Variants in NSUN7 observed in about 807,000 individuals in gnomAD.
NSUN7 encodes the protein NOP2/Sun RNA methyltransferase family member 7, also known as protein NSUN7.
A neutral mutation model predicts 58.5 loss-of-function variants in NSUN7; 39 were observed. That is an observed-to-expected ratio of 0.67 (90% confidence interval 0.52 to 0.87). The LOEUF is 0.87. NSUN7 is among the 40% of genes least tolerant of loss of function. NSUN7 has a pLI of 0.00. For missense variants in NSUN7, 765 were observed against 844.1 expected (o/e 0.91, Z 1.16); for synonymous variants, 278 against 303.7 (o/e 0.92, Z 0.88).
chr4:40,777,811 G>A (rs1742343328), intron 7 of NSUN7, among the ~76,000 whole-genome samples: 1 of 152,014 alleles, frequency 6.6e-6, no homozygotes, highest in African/African-American at 2.4e-5. Context: ...TGTTGCCTAG[G>A]CTGATCTCAT....
chr4:40,751,011 A>G lies in NSUN7; in HGVS notation c.298+20A>G. 1 of 1,608,366 alleles carries G rather than the reference A, an allele frequency of 6.2e-7. No homozygotes were observed. Among genetic ancestry groups the G allele is most frequent in the Non-Finnish European group, 8.5e-7 (1 of 1,175,832 alleles). On this transcript the variant is annotated intron_variant, in intron 2 of 11. Coordinates refer to ENST00000381782, the MANE Select transcript of NSUN7 (RefSeq NM_024677.6). ...TGAAATGTGAGTTGTGCCAGTCTGG[A>G]AGATCAACACTAAAAGAAAATAATA...
chr4:40,797,868 C>A (rs925651783), intron 9 of NSUN7, among the ~76,000 whole-genome samples: 2 of 152,194 alleles, frequency 1.3e-5, no homozygotes, highest in Non-Finnish European at 2.9e-5. Context: ...CGACTTACTA[C>A]TCTCTCTTCA....
intron 9 of NSUN7, among the ~76,000 whole-genome samples, chr4:40,795,278 A>G (rs889145836): frequency 3.9e-5 from 6 of 152,212 alleles, no homozygotes; most frequent in African/African-American, 7.2e-5. Flanking sequence ...AATAAGGCCT[A>G]TACAAATCAC....
intron 3 of NSUN7, among the ~76,000 whole-genome samples, chr4:40,760,753 T>C (rs577095878): frequency 4.0e-5 from 6 of 150,496 alleles, no homozygotes; most frequent in East Asian, 2.0e-4. Flanking sequence ...CCCAGCTACT[T>C]GGGAGGCTGA....
chr4:40,795,516 C>T (rs185439936), intron 9 of NSUN7, among the ~76,000 whole-genome samples: 1 of 152,224 alleles, frequency 6.6e-6, no homozygotes, highest in Admixed American at 6.5e-5. Context: ...AAAAAAGCTT[C>T]AGAAAGAATC....
At chr4:40,806,428 A>C (rs1560566506) in intron 10 of NSUN7, among the ~76,000 whole-genome samples, 1 of 152,216 alleles carries the variant, frequency 6.6e-6, no homozygotes, top group African/African-American at 2.4e-5. Flanking sequence ...TTCATGATGA[A>C]CCACTTACTA....
chr4:40,804,396 G>A (rs1183216416), intron 10 of NSUN7, among the ~76,000 whole-genome samples: 1 of 150,258 alleles, frequency 6.7e-6, no homozygotes, highest in Admixed American at 6.6e-5. Flanking sequence ...CCGAGATCAC[G>A]CCATTGCACT....
intron 10 of NSUN7, among the ~76,000 whole-genome samples, chr4:40,803,588 C>T (rs1031764631): frequency 6.6e-6 from 1 of 152,264 alleles, no homozygotes; most frequent in Admixed American, 6.5e-5. Flanking sequence ...TATAGATATA[C>T]ATCAAGTATA....
At chr4:40,808,241 T>C (rs1743933303) in intron 11 of NSUN7, 66 bp from the exon 12 acceptor site, 1 of 1,497,146 alleles carries the variant, frequency 6.7e-7, no homozygotes, top group Admixed American at 2.2e-5. Context: ...GATACATTGA[T>C]AAATATTTGC....
intron 7 of NSUN7, among the ~76,000 whole-genome samples, chr4:40,777,255 A>G (rs1742313616): frequency 1.3e-5 from 2 of 152,240 alleles, no homozygotes; most frequent in South Asian, 4.1e-4. Context: ...TGCCAGAAGC[A>G]AAAGTAAATT....
rs1321460958 is a variant in NSUN7, at chr4:40,808,553, C to G, written c.1771C>G (p.Gln591Glu). 1 of 1,551,744 alleles carries G rather than the reference C, an allele frequency of 6.4e-7. No homozygotes were observed. Among genetic ancestry groups the G allele is most frequent in the South Asian group, 1.2e-5 (1 of 84,070 alleles). ...SETVTKPPLP[Q>E]KNTAQVGASS... ...GACTGTAACAAAACCACCTCTTCCC[C>G]AGAAAAATACTGCTCAAGTGGGGGC... Residue 591 changes from glutamine to glutamate, a missense_variant, in exon 12 of 12, where the codon CAG (glutamine) becomes GAG (glutamate). Physicochemically the swap from Gln to Glu is conservative, Grantham distance 29. Coordinates refer to ENST00000381782, the MANE Select transcript of NSUN7 (RefSeq NM_024677.6).
At chr4:40,751,086 C>T (rs779329619) in intron 2 of NSUN7, 95 bp downstream of exon 2, 151 of 1,426,528 alleles carry the variant, frequency 1.1e-4, no homozygotes, top group Non-Finnish European at 1.3e-4. Context: ...CCCTCATTCA[C>T]ACCAGGTTTT....
intron 7 of NSUN7, among the ~76,000 whole-genome samples, chr4:40,779,601 C>T (rs10020152): frequency 0.46 from 70,064 of 151,550 alleles, 16,440 homozygotes; most frequent in Admixed American, 0.58. Context: ...CAGACTGTTT[C>T]GAAAAAAACA....
intron 4 of NSUN7, among the ~76,000 whole-genome samples, chr4:40,768,091 A>G (rs764901925): frequency 3.9e-5 from 6 of 152,192 alleles, no homozygotes; most frequent in Non-Finnish European, 7.4e-5. Flanking sequence ...AGCCAACTCT[A>G]TCTGCCTTCT....
At position 40,809,054 on chromosome 4, in the gene NSUN7, G is replaced by T; in HGVS notation, c.*115G>T. 1 of 1,073,314 alleles carries T rather than the reference G, an allele frequency of 9.3e-7. No individual in the cohort carries two copies. Among genetic ancestry groups the T allele is most frequent in the Non-Finnish European group, 1.3e-6 (1 of 773,960 alleles). 66.5% of individuals were successfully genotyped at this position (1,073,314 alleles called of 1,614,324 possible). A position where few individuals can be genotyped will look rare whatever the true frequency, so the allele number is the denominator to read the frequency against. On this transcript the variant is annotated 3_prime_UTR_variant, in exon 12 of 12. Transcript: ENST00000381782. ...ATATTCATTCTTTTGGTCACCTAGG[G>T]ATCTTCTAAGTGTGATATTACTTTC...
In NSUN7 at chr4:40,793,822, T is replaced by C. The variant is rs548219971; in HGVS notation, c.1181-553T>C. Among the ~76,000 whole-genome samples the C allele has an allele frequency of 7.2e-5, 11 of 152,376 alleles. No individual in the cohort carries two copies. The East Asian group carries it at 1.3e-3, about 19-fold the overall frequency. On this transcript the variant is annotated intron_variant, in intron 8 of 11. Coordinates refer to ENST00000381782, the MANE Select transcript of NSUN7 (RefSeq NM_024677.6). ...TAAAGTAGCATTCAGTATATCTTCA[T>C]TAATATTGTCAATACATATATTTAA...
rs1425987980 is a variant in NSUN7, at chr4:40,786,491, T to C, written c.1037-4111T>C. The C allele has an allele frequency of 8.7e-6, 14 of 1,612,676 alleles. No individual in the cohort carries two copies. The South Asian group carries it at 1.2e-4, about 14-fold the overall frequency. On this transcript the variant is annotated intron_variant, in intron 7 of 11. Transcript: ENST00000381782. ...AATAGGATATCAGAAAATCAAGGAG[T>C]CCCTGTACTTATAGTTGCTAACAAA...
At position 40,808,860 on chromosome 4, in the gene NSUN7, A is replaced by C; in HGVS notation, c.2078A>C (p.His693Pro). The C allele has an allele frequency of 6.5e-7, 1 of 1,547,764 alleles. No homozygotes were observed. Among genetic ancestry groups the C allele is most frequent in the Non-Finnish European group, 8.7e-7 (1 of 1,146,464 alleles). The change falls in exon 12 of 12, where the codon CAC (histidine) becomes CCC (proline). Residue 693 changes from histidine to proline, a missense_variant. By Grantham distance (77) the His-to-Pro change is moderately conservative. Transcript: ENST00000381782. ...CTTGTGCCCACCTGCCTTCCCACAC[A>C]CTCACTATCCAGAAAAGAGGAAAAG... is the stretch of plus-strand genomic sequence containing the variant. ...KALVPTCLPT[H>P]SLSRKEEKPK...
rs1401126463 is a variant in NSUN7, at chr4:40,809,911, A to ATGAT, written c.*974_*977dup. The stretch of plus-strand genomic sequence containing the variant: ...TCTCAATTGCCTACCAAAAATTGGT[A>ATGAT]TGATTATCATTTCTGGGTCTACTGA... On this transcript the variant is annotated 3_prime_UTR_variant, in exon 12 of 12. Transcript: ENST00000381782. 6.6e-6 allele frequency: 1 copy of ATGAT among 152,242 alleles called. No homozygotes were observed. Among genetic ancestry groups the ATGAT allele is most frequent in the African/African-American group, 2.4e-5 (1 of 41,466 alleles). 9.4% of individuals were successfully genotyped at this position (152,242 alleles called of 1,614,324 possible).
Sources: gnomAD v4.1 joint callset for allele counts (sites outside exome capture counted in the v4.1 genomes callset) on GRCh38, gnomAD v4.1.1 for gene constraint, MANE v1.5 for transcripts, NCBI Gene and HGNC (gene_info 2026-07-23, HGNC 2026-07-21) for gene names.